Variants in ABCD4 observed in about 807,000 individuals in gnomAD.
The protein encoded by ABCD4 is lysosomal cobalamin transporter ABCD4.
In ABCD4, 53 loss-of-function variants were observed where a neutral mutation model predicts 86.3. That is an observed-to-expected ratio of 0.61 (90% confidence interval 0.49 to 0.77). The LOEUF is 0.77. Ranked by LOEUF, ABCD4 falls within the 30% of genes least tolerant of loss-of-function variation. The pLI is 0.00. For missense variants in ABCD4, 757 were observed against 764.5 expected, an observed-to-expected ratio of 0.99 and a Z score of 0.12; for synonymous variants, 328 against 313.6, an observed-to-expected ratio of 1.05 and a Z score of -0.49.
At chr14:74,300,118 C>T in intron 2 of ABCD4, 32 bp downstream of exon 2, 1 of 1,316,428 alleles carries the variant, frequency 7.6e-7, no homozygotes, top group Non-Finnish European at 1.1e-6. Flanking sequence ...CAGAGCTCCC[C>T]TCCCTCCTCT....
At chr14:74,300,366 A>C in intron 1 of ABCD4, 98 bp from the exon 2 acceptor site, 2 of 746,180 alleles carry the variant, frequency 2.7e-6, no homozygotes, top group Non-Finnish European at 4.6e-6. Flanking sequence ...TAGAGGGTCC[A>C]GGCCATGCAG....
rs755736783 is a variant in ABCD4, at chr14:74,296,382, T to G, written c.493A>C (p.Ile165Leu). 54 of 1,614,026 alleles carry G rather than the reference T, an allele frequency of 3.3e-5. No homozygotes were observed. Among genetic ancestry groups the G allele is most frequent in the Non-Finnish European group, 4.4e-5 (52 of 1,180,020 alleles). The change falls in exon 5 of 19, where the codon ATC (isoleucine) becomes CTC (leucine). Residue 165 changes from isoleucine to leucine, a missense_variant. Physicochemically the swap from Ile to Leu is conservative, Grantham distance 5 (BLOSUM62 2). Transcript: ENST00000356924. ...RQLSSMASKL[I>L]ISPFTLVYYT... ...TAGACGAGGGTGAACGGGGAGATGA[T>G]GAGCTTGCTGGCCATGCTGCTGAGC...
chr14:74,287,470 C>T (rs758932487), intron 17 of ABCD4, among the ~76,000 whole-genome samples: 2 of 149,032 alleles, frequency 1.3e-5, no homozygotes, highest in Non-Finnish European at 3.0e-5. Flanking sequence ...GGGAGGATCA[C>T]TTAAGCCTGG....
intron 13 of ABCD4, 130 bp from the exon 14 acceptor site, chr14:74,289,649 A>G: frequency 6.7e-7 from 1 of 1,486,580 alleles, no homozygotes. Flanking sequence ...GGCCTGGGTC[A>G]GATGGGAGAG....
chr14:74,285,627 G>A lies in ABCD4; in HGVS notation c.*834C>T, dbSNP rs1375054430. The A allele has an allele frequency of 6.6e-6, 1 of 152,218 alleles. No homozygotes were observed. The highest frequency in any genetic ancestry group is 1.5e-5 in the Non-Finnish European group (1 of 68,036). 9.4% of individuals were successfully genotyped at this position (152,218 alleles called of 1,614,324 possible). On this transcript the variant is annotated 3_prime_UTR_variant, in exon 19 of 19. Coordinates refer to ENST00000356924, the MANE Select transcript of ABCD4 (RefSeq NM_005050.4). ...ACTGGAGGGGCACTGGTCTGAGTGA[G>A]GACTTTGGGCACAGTAACTCCACCT... is the stretch of plus-strand genomic sequence containing the variant.
chr14:74,293,340 CCAAGGCCATTCA>C, intron 7 of ABCD4, 92 bp from the exon 8 acceptor site: 1 of 1,158,604 alleles, frequency 8.6e-7, no homozygotes, highest in Non-Finnish European at 1.3e-6. Context: ...CCTTTAGAAA[CCAAGGCCATTCA>C]AATGATCTTG....
At chr14:74,288,395 G>T in intron 15 of ABCD4, 136 bp from the exon 16 acceptor site, 1 of 817,414 alleles carries the variant, frequency 1.2e-6, no homozygotes, top group Non-Finnish European at 1.9e-6. Flanking sequence ...ATACCAAGGC[G>T]GGGGACTGTG....
intron 14 of ABCD4, chr14:74,289,111 C>CAAAAAAAAAAAAAAAAAA: frequency 1.4e-6 from 1 of 690,924 alleles, no homozygotes; most frequent in Non-Finnish European, 1.7e-6. Context: ...AACTCCATCT[C>CAAAAAAAAAAAAAAAAAA]AAAAAAAAAA....
chr14:74,297,979 C>T lies in ABCD4; in HGVS notation c.376G>A (p.Gly126Ser). ...TEHLHRLYFR[G>S]RAYYTLNVLR... ...ACGTTGAGGGTGTAGTACGCACGGCCCCGGAAGTAGAGGCGGTGAAGGTGC... is the reference window on the plus strand; with the variant it reads ...ACGTTGAGGGTGTAGTACGCACGGCTCCGGAAGTAGAGGCGGTGAAGGTGC... The change falls in exon 4 of 19, where the codon GGC becomes AGC. Residue 126 changes from glycine (G) to serine (S), a missense_variant. Coordinates refer to ENST00000356924, the MANE Select transcript of ABCD4 (RefSeq NM_005050.4). 1.9e-6 allele frequency: 3 copies of T among 1,614,036 alleles called. No homozygotes were observed. The highest frequency in any genetic ancestry group is 1.3e-5 in the African/African-American group (1 of 75,016).
intron 2 of ABCD4, 43 bp downstream of exon 2, chr14:74,300,107 C>T (rs201257748): frequency 9.2e-7 from 1 of 1,090,442 alleles, no homozygotes; most frequent in Non-Finnish European, 1.3e-6. Context: ...GGACCCCAAA[C>T]CAGAGCTCCC....
At chr14:74,289,261 T>A in intron 14 of ABCD4, 3 of 1,363,536 alleles carry the variant, frequency 2.2e-6, no homozygotes, top group Admixed American at 6.5e-5. Context: ...AGGCATCACT[T>A]TCCTTGTCCC....
chr14:74,302,481 G>A (rs1279288838), intron 1 of ABCD4, among the ~76,000 whole-genome samples: 2 of 152,176 alleles, frequency 1.3e-5, no homozygotes, highest in Admixed American at 1.3e-4. Context: ...GGAGTGAAAG[G>A]GGTCTGGGAA....
intron 2 of ABCD4, 182 bp from the exon 3 acceptor site, chr14:74,299,857 T>C: frequency 3.3e-6 from 2 of 603,616 alleles, no homozygotes; most frequent in African/African-American, 3.7e-5. Flanking sequence ...AGGTCATGAG[T>C]TCGAGATCAG....
intron 17 of ABCD4, 145 bp downstream of exon 17, chr14:74,287,665 C>A (rs978835708): frequency 9.7e-6 from 7 of 723,216 alleles, no homozygotes; most frequent in East Asian, 5.4e-5. Flanking sequence ...ACTGTTTACA[C>A]GGGCAGGGCC....
At position 74,290,503 on chromosome 14, in the gene ABCD4, T is replaced by C; in HGVS notation, c.1119-4A>G. 3.7e-6 allele frequency: 6 copies of C among 1,611,714 alleles called. No individual in the cohort carries two copies. Among genetic ancestry groups the C allele is most frequent in the Non-Finnish European group, 5.1e-6 (6 of 1,179,874 alleles). On this transcript the variant is annotated splice_region_variant and splice_polypyrimidine_tract_variant and intron_variant, in intron 11 of 18. Coordinates refer to ENST00000356924, the MANE Select transcript of ABCD4 (RefSeq NM_005050.4). ...TGCCGCTGGCCACCCTGGGGGTCTG[T>C]GTCAGAGAAGAGAGGGGGCGTGAGG...
At chr14:74,295,782 G>A in intron 6 of ABCD4, 72 bp downstream of exon 6, 1 of 1,592,918 alleles carries the variant, frequency 6.3e-7, no homozygotes, top group Non-Finnish European at 8.5e-7. Context: ...TTGAACTTAG[G>A]CAGTTTTACT....
Position 74,300,190 on chromosome 14 carries a change from A to G in ABCD4, c.117T>C (p.Asn39=). 6.2e-7 allele frequency: 1 copy of G among 1,613,808 alleles called. No homozygotes were observed. Among genetic ancestry groups the G allele is most frequent in the Non-Finnish European group, 8.5e-7 (1 of 1,179,914 alleles). ...KVLFPSWSSQ[N]ALMFLTLLCL... ...ACAAAAGGGTCAGGAACATCAAGGCATTTTGTGATGACCAAGAAGGAAACA... is the reference window on the plus strand; with the variant it reads ...ACAAAAGGGTCAGGAACATCAAGGCGTTTTGTGATGACCAAGAAGGAAACA... Residue 39 remains asparagine (N), a synonymous_variant, in exon 2 of 19, where the codon AAT becomes AAC. Transcript: ENST00000356924.
At chr14:74,288,612 A>G (rs746746796) in intron 15 of ABCD4, 104 bp downstream of exon 15, 1 of 1,360,162 alleles carries the variant, frequency 7.4e-7, no homozygotes, top group Admixed American at 2.0e-5. Context: ...CCCCAGGTTC[A>G]GACTTCCAGT....
Position 74,290,296 on chromosome 14 carries a change from G to A in ABCD4, c.1322C>T (p.Thr441Ile), listed in dbSNP as rs905092359. ...LRVLGGLWTSTRGSVQMLTDF... is the reference protein window; with the variant it reads ...LRVLGGLWTSIRGSVQMLTDF... Reference sequence around the variant, plus strand: ...AGGGAGGGCCTGGCTCTCACCCCGTGTACTCGTCCAGAGGCCACCCAGAAC... The same window carrying A: ...AGGGAGGGCCTGGCTCTCACCCCGTATACTCGTCCAGAGGCCACCCAGAAC... The change falls in exon 12 of 19, where the codon ACA becomes ATA. Residue 441 changes from threonine (T) to isoleucine (I), a missense_variant. Transcript: ENST00000356924. The A allele has an allele frequency of 3.1e-6, 5 of 1,614,044 alleles. No individual in the cohort carries two copies. The highest frequency in any genetic ancestry group is 4.2e-6 in the Non-Finnish European group (5 of 1,180,038).
Sources: allele counts gnomAD v4.1 joint callset (sites outside exome capture counted in the v4.1 genomes callset), GRCh38; gene constraint gnomAD v4.1.1; transcripts MANE v1.5; gene names NCBI Gene and HGNC (gene_info 2026-07-23, HGNC 2026-07-21).